Variants in HOGA1 observed in about 807,000 individuals in gnomAD.
The protein encoded by HOGA1 is 4-hydroxy-2-oxoglutarate aldolase 1, also known as 4-hydroxy-2-oxoglutarate aldolase, mitochondrial.
HOGA1 carries 30 observed loss-of-function variants against 34.3 expected under a neutral mutation model. That is an observed-to-expected ratio of 0.87 (90% CI 0.65 to 1.19). The LOEUF is 1.19. Ranked by LOEUF, HOGA1 falls within the 50% of genes most tolerant of loss-of-function variation. The probability of loss-of-function intolerance (pLI) is 0.00; values close to 1 mark genes in which losing one functional copy is unlikely to be tolerated. For missense variants in HOGA1, 417 were observed against 436.5 expected (o/e 0.96, Z 0.40); for synonymous variants, 161 against 174.0 (o/e 0.93, Z 0.59).
chr10:97,607,027 T>C (rs556976198), intron 6 of HOGA1, among the ~76,000 whole-genome samples: 1 of 151,784 alleles, frequency 6.6e-6, no homozygotes, highest in South Asian at 2.1e-4. Flanking sequence ...CTTAGCATTT[T>C]TGGAGATAGA....
In HOGA1 at chr10:97,599,007, AT is replaced by A. The variant is rs570638580; in HGVS notation, c.341-81del. 14,609 of 1,606,974 alleles carry A rather than the reference AT, an allele frequency of 9.1e-3. 77 individuals carry two copies. Among genetic ancestry groups the A allele is most frequent in the Middle Eastern group, 0.012 (57 of 4,804 alleles). On this transcript the variant is annotated intron_variant, in intron 2 of 6. Transcript: ENST00000370646. ...CTCCTTGTTCTGCCTCTTCTGGGAC[AT>A]GCTGAGGCACCTTCGCTTGGCCCAG... is the stretch of plus-strand genomic sequence containing the variant.
chr10:97,594,049 A>G (rs768241328), intron 1 of HOGA1, among the ~76,000 whole-genome samples: 13 of 151,546 alleles, frequency 8.6e-5, no homozygotes, highest in Non-Finnish European at 1.6e-4. Flanking sequence ...TTGTATTTTT[A>G]GTAGAGATAG....
chr10:97,591,247 C>T (rs61863282), intron 1 of HOGA1, among the ~76,000 whole-genome samples: 17,044 of 151,944 alleles, frequency 0.11, 1,364 homozygotes, highest in Non-Finnish European at 0.18. Flanking sequence ...GGGCCCCTGT[C>T]GTCTTGGTGC....
chr10:97,588,205 T>C (rs1309044887), intron 1 of HOGA1, among the ~76,000 whole-genome samples: 1 of 149,488 alleles, frequency 6.7e-6, no homozygotes, highest in Non-Finnish European at 1.5e-5. Context: ...CTTTCTTTTT[T>C]TTTTTTTTTT....
At position 97,584,547 on chromosome 10, in the gene HOGA1, TG is replaced by T; in HGVS notation, c.-154del. 1.5e-6 allele frequency: 1 copy of T among 685,548 alleles called. No homozygotes were observed. The highest frequency in any genetic ancestry group is 2.5e-6 in the Non-Finnish European group (1 of 397,142). 42.5% of individuals were successfully genotyped at this position (685,548 alleles called of 1,614,324 possible). A position where few individuals can be genotyped will look rare whatever the true frequency, so the allele number is the denominator to read the frequency against. ...GGCCTATAGGCCTTGCCCCTGACCC[TG>T]GGAACACCCAGCTCAGGCCTGCCCC... On this transcript the variant is annotated 5_prime_UTR_variant, in exon 1 of 7. Transcript: ENST00000370646.
intron 1 of HOGA1, chr10:97,589,799 G>T (rs1048628524): frequency 1.1e-6 from 1 of 871,072 alleles, no homozygotes; most frequent in Non-Finnish European, 1.8e-6. Flanking sequence ...AGCTCTGCCT[G>T]CCTGGTGTAG....
At chr10:97,594,348 G>T (rs1252046033) in intron 1 of HOGA1, among the ~76,000 whole-genome samples, 4 of 150,558 alleles carry the variant, frequency 2.7e-5, no homozygotes, top group African/African-American at 7.3e-5. Context: ...GCTAATTTTT[G>T]ATTTTTAATT....
At chr10:97,610,372 G>A (rs183547390) in intron 6 of HOGA1, among the ~76,000 whole-genome samples, 1 of 152,196 alleles carries the variant, frequency 6.6e-6, no homozygotes, top group East Asian at 1.9e-4. Context: ...GGAGGCTGAG[G>A]TGGGAGAATC....
chr10:97,599,546 C>A (rs926911686), intron 3 of HOGA1, 134 bp from the exon 4 acceptor site: 4 of 1,133,234 alleles, frequency 3.5e-6, no homozygotes, highest in Non-Finnish European at 4.0e-6. Flanking sequence ...ACTCGGGGCA[C>A]GTAGCATGGG....
intron 1 of HOGA1, chr10:97,590,498 GGCCACAGTC>G (rs755005180): frequency 5.0e-5 from 80 of 1,612,966 alleles, no homozygotes; most frequent in Non-Finnish European, 6.4e-5. Context: ...CACCTTCTAT[GGCCACAGTC>G]ACCACAGTCA....
chr10:97,611,850 C>T lies in HOGA1; in HGVS notation c.*191C>T. 2 of 615,434 alleles carry T rather than the reference C, an allele frequency of 3.2e-6. No homozygotes were observed. The highest frequency in any genetic ancestry group is 2.0e-5 in the South Asian group (1 of 50,696). The allele number at this position is 615,434 out of a possible 1,614,324, so 38.1% of individuals were successfully genotyped here. A position where few individuals can be genotyped will look rare whatever the true frequency, so the allele number is the denominator to read the frequency against. ...ATGCATATCTCCTATTCTAACGGCC[C>T]CTGACCTCTCCCTTTTGGATCCTAA... On this transcript the variant is annotated 3_prime_UTR_variant, in exon 7 of 7. Transcript: ENST00000370646.
chr10:97,611,600 C>T lies in HOGA1; in HGVS notation c.925C>T (p.Leu309=), dbSNP rs750486388. The T allele has an allele frequency of 4.3e-6, 7 of 1,614,186 alleles. No homozygotes were observed. The highest frequency in any genetic ancestry group is 3.3e-5 in the Admixed American group (2 of 60,032). Residue 309 remains leucine, a synonymous_variant, in exon 7 of 7, where the codon CTG becomes TTG. Coordinates refer to ENST00000370646, the MANE Select transcript of HOGA1 (RefSeq NM_138413.4). ...GGPCRAPLQE[L]SPAEEEALRM... ...CCCCTGCCGCGCCCCCTTGCAGGAG[C>T]TGAGCCCCGCTGAGGAGGAGGCACT...
Position 97,593,338 on chromosome 10 carries a change from G to A in HOGA1, c.212-5437G>A, listed in dbSNP as rs2041043304. Among the ~76,000 whole-genome samples, 2 of 152,066 alleles carry A rather than the reference G, an allele frequency of 1.3e-5. 1 individual carries two copies. Among genetic ancestry groups the A allele is most frequent in the African/African-American group, 4.8e-5 (2 of 41,388 alleles). ...TAAAAATACAAAAAATTAGCTGGGT[G>A]TGGTGGCAGGCACCTGTAATCTCAG... On this transcript the variant is annotated intron_variant, in intron 1 of 6. Transcript: ENST00000370646.
At chr10:97,594,031 G>A (rs972257176) in intron 1 of HOGA1, among the ~76,000 whole-genome samples, 1 of 152,056 alleles carries the variant, frequency 6.6e-6, no homozygotes, top group African/African-American at 2.4e-5. Flanking sequence ...ACCACGCCCA[G>A]CTAATTTTTG....
chr10:97,607,962 C>G (rs2041169103), intron 6 of HOGA1, among the ~76,000 whole-genome samples: 2 of 152,140 alleles, frequency 1.3e-5, no homozygotes, highest in African/African-American at 4.8e-5. Flanking sequence ...TTAATGGAAG[C>G]AAACTCATCA....
In HOGA1 at chr10:97,584,591, G is replaced by A. The variant is rs2040951165; in HGVS notation, c.-113G>A. 1 of 1,010,038 alleles carries A rather than the reference G, an allele frequency of 9.9e-7. No individual in the cohort carries two copies. The highest frequency in any genetic ancestry group is 1.5e-6 in the Non-Finnish European group (1 of 676,248). The allele number at this position is 1,010,038 out of a possible 1,614,324, so 62.6% of individuals were successfully genotyped here. On this transcript the variant is annotated 5_prime_UTR_variant, in exon 1 of 7. Transcript: ENST00000370646. ...CCTGCCCCAGTGGCCACAAGTCAGG[G>A]AGGCCGCAAATTTTTAACTAGAAAC...
In HOGA1 at chr10:97,604,307, C is replaced by T. The variant is rs140863494; in HGVS notation, c.834+2317C>T. ...TCTGAGTAGGATACCATGGTATTGC[C>T]GTACCACAGCATGTTTATTTATTAT... is the stretch of plus-strand genomic sequence containing the variant. On this transcript the variant is annotated intron_variant, in intron 6 of 6. Transcript: ENST00000370646. 8.4e-4 allele frequency among the ~76,000 whole-genome samples: 128 copies of T among 152,126 alleles called. 1 individual carries two copies. The highest frequency in any genetic ancestry group is 2.8e-3 in the African/African-American group (116 of 41,494).
At chr10:97,601,815 G>A in intron 5 of HOGA1, 42 bp from the exon 6 acceptor site, 1 of 1,611,636 alleles carries the variant, frequency 6.2e-7, no homozygotes, top group Non-Finnish European at 8.5e-7. Flanking sequence ...ATGCCTGGAG[G>A]GGAGAGGCTC....
intron 1 of HOGA1, among the ~76,000 whole-genome samples, chr10:97,594,474 C>T (rs951902952): frequency 2.0e-5 from 3 of 152,030 alleles, no homozygotes; most frequent in African/African-American, 7.3e-5. Flanking sequence ...CCTGCCTCGG[C>T]CTCCTGAGTA....
Sources: allele counts gnomAD v4.1 joint callset (sites outside exome capture counted in the v4.1 genomes callset), GRCh38; gene constraint gnomAD v4.1.1; transcripts MANE v1.5; gene names NCBI Gene and HGNC (gene_info 2026-07-23, HGNC 2026-07-21).